The following WWOX variants were observed in gnomAD, a reference collection of about 807,000 sequenced individuals.
The protein encoded by WWOX is WW domain-containing oxidoreductase.
Under a neutral mutation model 46.2 loss-of-function variants are expected in WWOX, and 69 were observed. That is an observed-to-expected ratio of 1.49 (90% confidence interval 1.23 to 1.82). WWOX has a LOEUF of 1.82. Ranked by LOEUF, WWOX falls within the 40% of genes most tolerant of loss-of-function variation. The pLI is 0.00. For synonymous variants in WWOX, 359 were observed against 202.6 expected, an observed-to-expected ratio of 1.77 and a Z score of -6.56; for missense variants, 919 against 542.6, an observed-to-expected ratio of 1.69 and a Z score of -6.89.
chr16:78,126,300 A>G (rs1042999965), intron 4 of WWOX, among the ~76,000 whole-genome samples: 2 of 152,144 alleles, frequency 1.3e-5, no homozygotes, highest in Non-Finnish European at 2.9e-5. Context: ...TTGCTCCCCA[A>G]CCTTAATATC....
intron 8 of WWOX, among the ~76,000 whole-genome samples, chr16:78,870,289 T>C (rs759703391): frequency 6.6e-6 from 1 of 152,176 alleles, no homozygotes; most frequent in Non-Finnish European, 1.5e-5. Flanking sequence ...ACTAAATAAA[T>C]GTATAGACAC....
At chr16:78,839,028 A>C (rs2052067304) in intron 8 of WWOX, among the ~76,000 whole-genome samples, 1 of 152,138 alleles carries the variant, frequency 6.6e-6, no homozygotes, top group African/African-American at 2.4e-5. Flanking sequence ...AAATCGTACT[A>C]GAGTTTTGTG....
chr16:78,549,367 C>G (rs931400075), intron 8 of WWOX, among the ~76,000 whole-genome samples: 5 of 152,334 alleles, frequency 3.3e-5, no homozygotes, highest in South Asian at 2.1e-4. Flanking sequence ...GTTCGAGTCA[C>G]TTGCACTCAA....
chr16:78,530,960 G>C (rs1026298821), intron 8 of WWOX, among the ~76,000 whole-genome samples: 30 of 152,264 alleles, frequency 2.0e-4, no homozygotes, highest in African/African-American at 7.0e-4. Context: ...AAAAAAGTTA[G>C]GCTCTGAGAA....
intron 8 of WWOX, among the ~76,000 whole-genome samples, chr16:78,437,277 A>G (rs1327337408): frequency 6.6e-6 from 1 of 152,218 alleles, no homozygotes; most frequent in African/African-American, 2.4e-5. Context: ...TACAGTAATT[A>G]GGTCACTCTT....
chr16:78,379,729 C>T (rs540581335), intron 5 of WWOX, among the ~76,000 whole-genome samples: 8 of 152,152 alleles, frequency 5.3e-5, no homozygotes, highest in African/African-American at 1.9e-4. Context: ...CTCACTGATA[C>T]CCTCCCAGCT....
At chr16:78,899,975 G>A (rs1348159082) in intron 8 of WWOX, among the ~76,000 whole-genome samples, 1 of 150,714 alleles carries the variant, frequency 6.6e-6, no homozygotes, top group Non-Finnish European at 1.5e-5. Flanking sequence ...TGATAATTAG[G>A]TTTGTTAAAT....
chr16:79,019,627 C>T (rs907422191), intron 8 of WWOX, among the ~76,000 whole-genome samples: 2 of 151,846 alleles, frequency 1.3e-5, no homozygotes, highest in Non-Finnish European at 2.9e-5. Context: ...TCTGTGAGCT[C>T]AGGAAGCAGC....
intron 8 of WWOX, among the ~76,000 whole-genome samples, chr16:78,664,523 G>C (rs2047286462): frequency 6.6e-6 from 1 of 152,218 alleles, no homozygotes. Context: ...CACTAGCAGG[G>C]ATTCCAAGCT....
chr16:78,492,170 G>T (rs1355976256), intron 8 of WWOX, among the ~76,000 whole-genome samples: 2 of 152,228 alleles, frequency 1.3e-5, no homozygotes, highest in African/African-American at 2.4e-5. Flanking sequence ...ACACAGGGAA[G>T]CAGATAGTTC....
At chr16:78,975,681 C>T (rs1029502779) in intron 8 of WWOX, among the ~76,000 whole-genome samples, 1 of 152,074 alleles carries the variant, frequency 6.6e-6, no homozygotes, top group Admixed American at 6.6e-5. Flanking sequence ...GTATTGTCAC[C>T]CCTGTTGGGA....
At chr16:79,111,037 C>G (rs1486289716) in intron 8 of WWOX, among the ~76,000 whole-genome samples, 1 of 152,130 alleles carries the variant, frequency 6.6e-6, no homozygotes, top group Non-Finnish European at 1.5e-5. Context: ...TAGATGTAAT[C>G]GACCAGCAGA....
chr16:78,624,788 G>A (rs918121868), intron 8 of WWOX, among the ~76,000 whole-genome samples: 11 of 152,200 alleles, frequency 7.2e-5, no homozygotes, highest in Admixed American at 3.9e-4. Flanking sequence ...AATGGTGAAC[G>A]AGAAGGTATT....
intron 4 of WWOX, among the ~76,000 whole-genome samples, chr16:78,148,767 G>A (rs1158015654): frequency 4.6e-5 from 7 of 151,678 alleles, no homozygotes; most frequent in African/African-American, 7.3e-5. Flanking sequence ...GCATGGTGGC[G>A]GGCGCCTGTA....
At chr16:79,013,618 C>T (rs992934294) in intron 8 of WWOX, among the ~76,000 whole-genome samples, 4 of 152,098 alleles carry the variant, frequency 2.6e-5, no homozygotes, top group African/African-American at 9.7e-5. Flanking sequence ...AGGGTTAGGT[C>T]CTGTGCTGCC....
At chr16:78,606,081 G>A (rs1310004778) in intron 8 of WWOX, among the ~76,000 whole-genome samples, 3 of 152,134 alleles carry the variant, frequency 2.0e-5, no homozygotes, top group African/African-American at 7.2e-5. Context: ...TAAAGACACT[G>A]TTCAGTTTAC....
chr16:78,537,916 T>A (rs1452108565), intron 8 of WWOX, among the ~76,000 whole-genome samples: 1 of 152,088 alleles, frequency 6.6e-6, no homozygotes, highest in Non-Finnish European at 1.5e-5. Context: ...GAGAGCTGCT[T>A]TTCACCTTAC....
chr16:78,319,233 G>T (rs1447833225), intron 5 of WWOX, among the ~76,000 whole-genome samples: 1 of 151,974 alleles, frequency 6.6e-6, no homozygotes, highest in Admixed American at 6.6e-5. Context: ...CAATGAGATG[G>T]ATTCTACCGT....
rs1272929994 is a variant in WWOX, at chr16:78,634,833, A to AGT, written c.1056+202082_1056+202083insTG. On this transcript the variant is annotated intron_variant, in intron 8 of 8. Transcript: ENST00000566780. ...ACTGGAGAGAGAGAGAGAGAGAGAG[A>AGT]GAGAGTGTGTGTGTGTGTGTGTGTG... Among the ~76,000 whole-genome samples the AGT allele has an allele frequency of 7.9e-4, 88 of 111,344 alleles. 1 individual carries two copies. The highest frequency in any genetic ancestry group is 4.8e-3 in the Middle Eastern group (1 of 208). 73.0% of individuals were successfully genotyped at this position (111,344 alleles called of 152,430 possible). A position where few individuals can be genotyped will look rare whatever the true frequency, so the allele number is the denominator to read the frequency against.
Sources: gnomAD v4.1 joint callset for allele counts (sites outside exome capture counted in the v4.1 genomes callset) on GRCh38, gnomAD v4.1.1 for gene constraint, MANE v1.5 for transcripts, NCBI Gene and HGNC (gene_info 2026-07-23, HGNC 2026-07-21) for gene names.